DLG2: variants seen among roughly 807,000 people sequenced by gnomAD.
The protein encoded by DLG2 is discs large MAGUK scaffold protein 2, also known as disks large homolog 2.
DLG2 carries 45 observed loss-of-function variants against 132.5 expected under a neutral mutation model. The observed-to-expected ratio is 0.34, with a 90% CI of 0.27 to 0.44. The LOEUF is 0.44. Among genes scored for constraint, DLG2 ranks in the 20% least tolerant of loss-of-function variants. DLG2 has a pLI of 1.00. For synonymous variants in DLG2, 424 were observed against 419.6 expected (o/e 1.01, Z -0.13); for missense variants, 1,045 against 1,196.9 (o/e 0.87, Z 1.87).
chr11:84,871,055 A>C (rs1349238331), intron 6 of DLG2, among the ~76,000 whole-genome samples: 1 of 152,202 alleles, frequency 6.6e-6, no homozygotes, highest in Non-Finnish European at 1.5e-5. Flanking sequence ...TCGGAGGATA[A>C]TGGCTGGGAC....
chr11:85,217,316 T>TCACACA (rs71895547), intron 4 of DLG2, among the ~76,000 whole-genome samples: 8,308 of 138,112 alleles, frequency 0.06, 256 homozygotes, highest in Middle Eastern at 0.091. Flanking sequence ...TCTCTCTCTC[T>TCACACA]CTCACACACA....
At chr11:85,261,960 G>A (rs904183785) in intron 4 of DLG2, among the ~76,000 whole-genome samples, 1 of 152,176 alleles carries the variant, frequency 6.6e-6, no homozygotes, top group African/African-American at 2.4e-5. Flanking sequence ...TGTCCAGCCA[G>A]TTGGGGTGAA....
intron 6 of DLG2, among the ~76,000 whole-genome samples, chr11:84,826,491 G>T (rs527930581): frequency 1.3e-5 from 2 of 151,938 alleles, no homozygotes; most frequent in Admixed American, 6.6e-5. Context: ...TGCTCCCATT[G>T]CCAAACAAAC....
At chr11:83,637,712 C>G (rs1009412997) in intron 18 of DLG2, among the ~76,000 whole-genome samples, 4 of 152,170 alleles carry the variant, frequency 2.6e-5, no homozygotes, top group African/African-American at 9.6e-5. Context: ...CTCTTGACAT[C>G]TTGCTCTTCT....
intron 3 of DLG2, among the ~76,000 whole-genome samples, chr11:85,506,141 T>C (rs556704777): frequency 1.8e-4 from 27 of 152,278 alleles, no homozygotes; most frequent in South Asian, 1.0e-3. Context: ...TAGTGGTCTA[T>C]TTTGTTGATC....
intron 6 of DLG2, among the ~76,000 whole-genome samples, chr11:85,019,654 T>A (rs2059867464): frequency 6.6e-6 from 1 of 152,106 alleles, no homozygotes; most frequent in Non-Finnish European, 1.5e-5. Flanking sequence ...GTGTGTGATG[T>A]TCCCCACCCT....
At chr11:84,347,428 A>AC (rs769386781) in intron 7 of DLG2, among the ~76,000 whole-genome samples, 20 of 152,170 alleles carry the variant, frequency 1.3e-4, no homozygotes, top group Non-Finnish European at 2.6e-4. Context: ...TATTTGGTTT[A>AC]CCCTCTAGAG....
At chr11:83,787,205 A>T (rs2040167869) in intron 17 of DLG2, among the ~76,000 whole-genome samples, 1 of 151,452 alleles carries the variant, frequency 6.6e-6, no homozygotes, top group South Asian at 2.1e-4. Flanking sequence ...TTCAGATGAG[A>T]TTCTGGGGAC....
chr11:83,666,185 T>G (rs1251361348), intron 18 of DLG2, among the ~76,000 whole-genome samples: 1 of 152,214 alleles, frequency 6.6e-6, no homozygotes, highest in Non-Finnish European at 1.5e-5. Flanking sequence ...ATTTATAATC[T>G]CTTATCTCTT....
intron 3 of DLG2, among the ~76,000 whole-genome samples, chr11:85,391,659 C>T (rs1397215734): frequency 6.6e-6 from 1 of 151,942 alleles, no homozygotes; most frequent in East Asian, 1.9e-4. Flanking sequence ...ATGTGATACA[C>T]CACACAAACA....
intron 5 of DLG2, among the ~76,000 whole-genome samples, chr11:85,118,964 T>A (rs1253548870): frequency 3.3e-5 from 5 of 151,874 alleles, no homozygotes; most frequent in African/African-American, 1.2e-4. Context: ...AAATACTATA[T>A]AATTTACATG....
Position 83,714,762 on chromosome 11 carries a change from T to G in DLG2, c.1825+71928A>C, listed in dbSNP as rs538147019. 3.9e-5 allele frequency among the ~76,000 whole-genome samples: 6 copies of G among 152,348 alleles called. No homozygotes were observed. The South Asian group carries it at 1.2e-3, about 32-fold the overall frequency. On this transcript the variant is annotated intron_variant, in intron 18 of 27. Coordinates refer to ENST00000376104, the MANE Select transcript of DLG2 (RefSeq NM_001142699.3). ...ATTATACTTTAAGTTCTAGGGTACA[T>G]GTGCACAGCATGCAGGTTTGTTACA...
chr11:85,508,286 T>C (rs1252199677), intron 3 of DLG2, among the ~76,000 whole-genome samples: 2 of 152,022 alleles, frequency 1.3e-5, no homozygotes, highest in Non-Finnish European at 2.9e-5. Context: ...CTTTGCTCAC[T>C]CTGCTGCAGC....
chr11:85,028,893 G>A (rs1263253012), intron 6 of DLG2, among the ~76,000 whole-genome samples: 1 of 152,168 alleles, frequency 6.6e-6, no homozygotes, highest in East Asian at 1.9e-4. Context: ...AACTGGCTCT[G>A]TGGAGCGCGC....
At chr11:83,636,507 T>G (rs2064887107) in intron 18 of DLG2, among the ~76,000 whole-genome samples, 1 of 152,154 alleles carries the variant, frequency 6.6e-6, no homozygotes, top group Admixed American at 6.6e-5. Context: ...TTTTCAAAAC[T>G]AAATATTCTA....
At chr11:84,882,439 T>TCAGGGCATG (rs2087501943) in intron 6 of DLG2, among the ~76,000 whole-genome samples, 1 of 152,080 alleles carries the variant, frequency 6.6e-6, no homozygotes, top group African/African-American at 2.4e-5. Flanking sequence ...CTACAGGTGT[T>TCAGGGCATG]CAGGGCATGA....
At chr11:83,767,701 A>G (rs2094202377) in intron 18 of DLG2, among the ~76,000 whole-genome samples, 1 of 152,206 alleles carries the variant, frequency 6.6e-6, no homozygotes. Context: ...TAATTAATAC[A>G]TGGAATACAT....
chr11:85,414,441 G>A (rs2089631440), intron 3 of DLG2, among the ~76,000 whole-genome samples: 1 of 151,778 alleles, frequency 6.6e-6, no homozygotes. Context: ...CTGAGTTGAA[G>A]AGAGGTGGTC....
At chr11:85,552,771 A>G (rs2076736816) in intron 3 of DLG2, among the ~76,000 whole-genome samples, 1 of 151,530 alleles carries the variant, frequency 6.6e-6, no homozygotes, top group Non-Finnish European at 1.5e-5. Flanking sequence ...TAATGACAGA[A>G]TGAATGTTAT....
Sources: allele counts gnomAD v4.1 joint callset (sites outside exome capture counted in the v4.1 genomes callset), GRCh38; gene constraint gnomAD v4.1.1; transcripts MANE v1.5; gene names NCBI Gene and HGNC (gene_info 2026-07-23, HGNC 2026-07-21).